The following SAMD12 variants were observed in gnomAD, a reference collection of about 807,000 sequenced individuals.
SAMD12 encodes the protein sterile alpha motif domain containing 12, also known as sterile alpha motif domain-containing protein 12.
Under a neutral mutation model 15.0 loss-of-function variants are expected in SAMD12, and 9 were observed. The observed-to-expected ratio is 0.60, with a 90% CI of 0.36 to 1.05. SAMD12 has a LOEUF of 1.05. SAMD12 is among the 50% of genes least tolerant of loss of function. SAMD12 has a pLI of 0.01. For synonymous variants in SAMD12, 86 were observed against 90.1 expected, an observed-to-expected ratio of 0.96 and a Z score of 0.25; for missense variants, 230 against 234.2, an observed-to-expected ratio of 0.98 and a Z score of 0.12.
At chr8:118,151,456 TAAG>T in the SAMD12 span, among the ~76,000 whole-genome samples, 1 of 152,216 alleles carries the variant, frequency 6.6e-6, no homozygotes, top group African/African-American at 2.4e-5. Flanking sequence ...CATTTTTAAA[TAAG>T]AAGAAATTTT....
At chr8:118,363,410 G>C (rs1310311976) in intron 4 of SAMD12, among the ~76,000 whole-genome samples, 1 of 152,184 alleles carries the variant, frequency 6.6e-6, no homozygotes, top group Non-Finnish European at 1.5e-5. Flanking sequence ...AAAACAAAAA[G>C]GCTGGCCTTC....
At chr8:118,152,738 G>A in the SAMD12 span, among the ~76,000 whole-genome samples, 14 of 152,162 alleles carry the variant, frequency 9.2e-5, no homozygotes, top group African/African-American at 3.4e-4. Context: ...GGCTCAAGCA[G>A]TTCACCCCCC....
At chr8:118,346,144 G>T (rs1817638353) in intron 4 of SAMD12, among the ~76,000 whole-genome samples, 1 of 152,092 alleles carries the variant, frequency 6.6e-6, no homozygotes, top group South Asian at 2.1e-4. Flanking sequence ...CTTTAGTAGG[G>T]TTTTCTGATT....
intron 3 of SAMD12, among the ~76,000 whole-genome samples, chr8:118,396,348 T>G (rs571136490): frequency 6.6e-6 from 1 of 152,330 alleles, no homozygotes; most frequent in South Asian, 2.1e-4. Flanking sequence ...AATGCCTTCA[T>G]TTCAAATTAA....
intron 4 of SAMD12, among the ~76,000 whole-genome samples, chr8:118,299,978 G>A (rs17455169): frequency 0.089 from 13,578 of 152,064 alleles, 830 homozygotes; most frequent in Non-Finnish European, 0.12. Flanking sequence ...TGTCAATGCT[G>A]CCCCTAAACC....
chr8:118,421,683 G>A (rs1174046065), intron 3 of SAMD12, among the ~76,000 whole-genome samples: 1 of 152,186 alleles, frequency 6.6e-6, no homozygotes, highest in South Asian at 2.1e-4. Context: ...CTAAATAGAA[G>A]CTTTTTAGAT....
At chr8:118,318,310 GTATATATA>G (rs55959055) in intron 4 of SAMD12, among the ~76,000 whole-genome samples, 2,753 of 113,124 alleles carry the variant, frequency 0.024, 71 homozygotes, top group South Asian at 0.085. Flanking sequence ...AGATATATGT[GTATATATA>G]TATATATATA....
intron 4 of SAMD12, among the ~76,000 whole-genome samples, chr8:118,318,510 T>C (rs915899394): frequency 1.1e-4 from 17 of 151,666 alleles, no homozygotes; most frequent in African/African-American, 3.9e-4. Context: ...AAGTGGGAGC[T>C]AAGCTATGAA....
At chr8:118,144,606 A>G in the SAMD12 span, among the ~76,000 whole-genome samples, 1 of 152,030 alleles carries the variant, frequency 6.6e-6, no homozygotes, top group Non-Finnish European at 1.5e-5. Context: ...ATTAATTTAA[A>G]AATTGGTGCA....
chr8:118,471,497 A>G (rs1011319534), intron 2 of SAMD12, among the ~76,000 whole-genome samples: 7 of 152,196 alleles, frequency 4.6e-5, no homozygotes, highest in African/African-American at 1.7e-4. Context: ...ATTATAACCA[A>G]TGTCACCACT....
intron 1 of SAMD12, 83 bp from the exon 2 acceptor site, chr8:118,580,976 G>A: frequency 1.8e-6 from 2 of 1,118,084 alleles, no homozygotes; most frequent in Non-Finnish European, 1.3e-6. Flanking sequence ...TCAAGCCTAA[G>A]TAGGAAAAAA....
chr8:118,146,508 T>A, the SAMD12 span, among the ~76,000 whole-genome samples: 5 of 152,196 alleles, frequency 3.3e-5, no homozygotes, highest in Non-Finnish European at 7.3e-5. Context: ...ATATTCCAAT[T>A]CTCTGTGTTT....
intron 2 of SAMD12, among the ~76,000 whole-genome samples, chr8:118,499,702 G>C (rs1586766237): frequency 6.6e-6 from 1 of 152,242 alleles, no homozygotes; most frequent in East Asian, 1.9e-4. Flanking sequence ...TAAAAAGTCA[G>C]TGTGGATAAA....
At chr8:118,226,153 C>T (rs529948096) in intron 4 of SAMD12, among the ~76,000 whole-genome samples, 2 of 152,264 alleles carry the variant, frequency 1.3e-5, no homozygotes, top group South Asian at 2.1e-4. Flanking sequence ...CATTTGTACA[C>T]GAGGTACCAA....
At chr8:118,313,885 TTGTGTGTGTGTATG>T (rs1815751460) in intron 4 of SAMD12, among the ~76,000 whole-genome samples, 1 of 151,704 alleles carries the variant, frequency 6.6e-6, no homozygotes, top group Non-Finnish European at 1.5e-5. Context: ...TGACATGTGC[TTGTGTGTGTGTATG>T]TGTGTGTGTG....
chr8:118,226,467 T>C (rs1812190461), intron 4 of SAMD12, among the ~76,000 whole-genome samples: 1 of 152,176 alleles, frequency 6.6e-6, no homozygotes, highest in African/African-American at 2.4e-5. Flanking sequence ...CCTCCTTTGA[T>C]AGCAAGCTGG....
the SAMD12 span, among the ~76,000 whole-genome samples, chr8:118,153,178 T>C: frequency 6.6e-6 from 1 of 152,208 alleles, no homozygotes; most frequent in African/African-American, 2.4e-5. Flanking sequence ...TTTTTCCTCA[T>C]GTAGGGTTGG....
At chr8:118,307,768 C>T (rs73321944) in intron 4 of SAMD12, among the ~76,000 whole-genome samples, 3,515 of 151,448 alleles carry the variant, frequency 0.023, 110 homozygotes, top group African/African-American at 0.076. Flanking sequence ...TACACTTGTT[C>T]ATCGTGCTTT....
At chr8:118,446,631 C>G (rs1822922839) in intron 2 of SAMD12, among the ~76,000 whole-genome samples, 1 of 152,186 alleles carries the variant, frequency 6.6e-6, no homozygotes, top group South Asian at 2.1e-4. Flanking sequence ...ATAGGCCACA[C>G]CATTGTTAAT....
Sources: gnomAD v4.1 joint callset for allele counts (sites outside exome capture counted in the v4.1 genomes callset) on GRCh38, gnomAD v4.1.1 for gene constraint, MANE v1.5 for transcripts, NCBI Gene and HGNC (gene_info 2026-07-23, HGNC 2026-07-21) for gene names.